CFDP1: variants seen among roughly 807,000 people sequenced by gnomAD.
The protein encoded by CFDP1 is chromatin remodeling protein CFDP1, also known as heterochromatin-stabilizing protein CFDP1.
In CFDP1, 31 loss-of-function variants were observed where a neutral mutation model predicts 40.1. The observed-to-expected ratio is 0.77, with a 90% confidence interval of 0.58 to 1.04. CFDP1 has a LOEUF of 1.04. Among genes scored for constraint, CFDP1 ranks in the 50% least tolerant of loss-of-function variants. The pLI is 0.00. For synonymous variants in CFDP1, 167 were observed against 120.0 expected, an observed-to-expected ratio of 1.39 and a Z score of -2.56; for missense variants, 423 against 343.4, an observed-to-expected ratio of 1.23 and a Z score of -1.83.
Position 75,356,999 on chromosome 16 carries a change from C to T in CFDP1, c.650+38091G>A, listed in dbSNP as rs1014196450. The stretch of plus-strand genomic sequence containing the variant: ...CGTGATCTTGACTCACTGCAACCTC[C>T]GCCTCCCAGGTTTAAGCAGTTCTCC... On this transcript the variant is annotated intron_variant, in intron 5 of 6. Coordinates refer to ENST00000283882, the MANE Select transcript of CFDP1 (RefSeq NM_006324.3). Among the ~76,000 whole-genome samples, 5 of 150,494 alleles carry T rather than the reference C, an allele frequency of 3.3e-5. No individual in the cohort carries two copies. The East Asian group carries it at 5.8e-4, about 18-fold the overall frequency.
At chr16:75,361,135 T>C (rs912173158) in intron 5 of CFDP1, among the ~76,000 whole-genome samples, 1 of 152,044 alleles carries the variant, frequency 6.6e-6, no homozygotes, top group Non-Finnish European at 1.5e-5. Flanking sequence ...TCAGCCTCTG[T>C]AGTAGCTGGG....
intron 5 of CFDP1, among the ~76,000 whole-genome samples, chr16:75,314,673 C>T (rs962151280): frequency 6.6e-6 from 1 of 152,192 alleles, no homozygotes; most frequent in African/African-American, 2.4e-5. Context: ...ACTACTCTTT[C>T]TCTAGGTACT....
intron 5 of CFDP1, among the ~76,000 whole-genome samples, chr16:75,374,430 A>C (rs898830155): frequency 3.3e-5 from 5 of 152,196 alleles, no homozygotes; most frequent in Admixed American, 2.6e-4. Context: ...AAAAACACTT[A>C]TATGTGAACA....
At chr16:75,395,240 A>G in intron 4 of CFDP1, 31 bp from the exon 5 acceptor site, 1 of 1,607,622 alleles carries the variant, frequency 6.2e-7, no homozygotes, top group Non-Finnish European at 8.5e-7. Flanking sequence ...TCAAGCTTAC[A>G]AGAAGAATAA....
intron 5 of CFDP1, among the ~76,000 whole-genome samples, chr16:75,353,094 C>T (rs140435406): frequency 1.9e-3 from 295 of 151,928 alleles, no homozygotes; most frequent in African/African-American, 6.5e-3. Context: ...AAATACATTC[C>T]AAGTAGAAAA....
At chr16:75,338,805 TAC>T (rs2078507811) in intron 5 of CFDP1, among the ~76,000 whole-genome samples, 1 of 152,180 alleles carries the variant, frequency 6.6e-6, no homozygotes, top group African/African-American at 2.4e-5. Context: ...CTTCTGTGGG[TAC>T]AGACTCTTAG....
intron 5 of CFDP1, among the ~76,000 whole-genome samples, chr16:75,387,162 C>T (rs1301793053): frequency 3.9e-4 from 53 of 136,722 alleles, no homozygotes; most frequent in African/African-American, 1.3e-3. Flanking sequence ...TTTTTTGAGA[C>T]GGAGTCTCGC....
chr16:75,299,585 A>G (rs1238460323), intron 6 of CFDP1, among the ~76,000 whole-genome samples: 9 of 148,062 alleles, frequency 6.1e-5, no homozygotes, highest in Admixed American at 2.7e-4. Flanking sequence ...AAAGAGCGAG[A>G]CTCCATCTCA....
Position 75,340,708 on chromosome 16 carries a change from C to A in CFDP1, c.651-35526G>T, listed in dbSNP as rs181880933. Among the ~76,000 whole-genome samples the A allele has an allele frequency of 2.6e-3, 393 of 152,350 alleles. 2 individuals are homozygous for A. The highest frequency in any genetic ancestry group is 9.0e-3 in the African/African-American group (376 of 41,578). On this transcript the variant is annotated intron_variant, in intron 5 of 6. Coordinates refer to ENST00000283882, the MANE Select transcript of CFDP1 (RefSeq NM_006324.3). ...GAGAAGCCCATTGATAGACGCTCTA[C>A]TTCTCTGTCACAGATTCTTTTCTGT...
chr16:75,367,609 A>C (rs2078723889), intron 5 of CFDP1, among the ~76,000 whole-genome samples: 1 of 151,906 alleles, frequency 6.6e-6, no homozygotes, highest in Non-Finnish European at 1.5e-5. Flanking sequence ...CTTGGCCAAC[A>C]TGGTGAAACC....
intron 5 of CFDP1, among the ~76,000 whole-genome samples, chr16:75,346,647 C>A (rs1597345210): frequency 9.2e-6 from 1 of 109,274 alleles, no homozygotes; most frequent in Non-Finnish European, 1.9e-5. Context: ...AAGGAAGCAA[C>A]AATAAACTAA....
chr16:75,314,878 C>G (rs1316727936), intron 5 of CFDP1, among the ~76,000 whole-genome samples: 2 of 152,026 alleles, frequency 1.3e-5, no homozygotes, highest in Non-Finnish European at 2.9e-5. Flanking sequence ...CAGCCTCCCA[C>G]ATAGCTGGGA....
intron 4 of CFDP1, among the ~76,000 whole-genome samples, chr16:75,400,657 C>T (rs2079043823): frequency 6.6e-6 from 1 of 152,134 alleles, no homozygotes; most frequent in Non-Finnish European, 1.5e-5. Context: ...GGCTGAAGTC[C>T]ATTCTGAGAA....
intron 5 of CFDP1, among the ~76,000 whole-genome samples, chr16:75,334,533 A>G (rs1334768830): frequency 6.6e-6 from 1 of 151,460 alleles, no homozygotes; most frequent in African/African-American, 2.4e-5. Context: ...GGAGGTTTCT[A>G]TAAAGGAGGG....
intron 5 of CFDP1, among the ~76,000 whole-genome samples, chr16:75,390,247 G>A (rs569438550): frequency 6.6e-6 from 1 of 152,284 alleles, no homozygotes; most frequent in Non-Finnish European, 1.5e-5. Context: ...GCTGCTCTGT[G>A]AGGACAGCCT....
intron 4 of CFDP1, among the ~76,000 whole-genome samples, chr16:75,408,494 A>AGT (rs1360609574): frequency 2.0e-5 from 3 of 152,090 alleles, no homozygotes; most frequent in Non-Finnish European, 4.4e-5. Flanking sequence ...TAATATAAAC[A>AGT]GTGGGCCAGG....
chr16:75,386,466 T>C (rs2078898568), intron 5 of CFDP1, among the ~76,000 whole-genome samples: 2 of 152,380 alleles, frequency 1.3e-5, no homozygotes, highest in East Asian at 1.9e-4. Context: ...GGCTCACGCC[T>C]GTAATCCCAG....
chr16:75,382,567 T>C (rs2078861269), intron 5 of CFDP1, among the ~76,000 whole-genome samples: 1 of 152,188 alleles, frequency 6.6e-6, no homozygotes, highest in African/African-American at 2.4e-5. Flanking sequence ...ACAGGCTAAA[T>C]CAGCGTGCCC....
intron 5 of CFDP1, among the ~76,000 whole-genome samples, chr16:75,392,176 G>A (rs150888719): frequency 6.6e-6 from 1 of 151,768 alleles, no homozygotes; most frequent in Non-Finnish European, 1.5e-5. Flanking sequence ...GAGGCTGAAG[G>A]GGGTGGATCA....
Sources: allele counts gnomAD v4.1 joint callset (sites outside exome capture counted in the v4.1 genomes callset), GRCh38; gene constraint gnomAD v4.1.1; transcripts MANE v1.5; gene names NCBI Gene and HGNC (gene_info 2026-07-23, HGNC 2026-07-21).